The following AADACL4 variants were observed in gnomAD, a reference collection of about 807,000 sequenced individuals.
AADACL4 encodes the protein arylacetamide deacetylase-like 4.
A neutral mutation model predicts 14.1 loss-of-function variants in AADACL4; 9 were observed. The observed-to-expected ratio is 0.64, with a 90% CI of 0.39 to 1.12. The LOEUF (loss-of-function observed/expected upper bound fraction) is 1.12. Among genes scored for constraint, AADACL4 ranks in the 50% most tolerant of loss-of-function variants. AADACL4 has a pLI of 0.01. For missense variants in AADACL4, 531 were observed against 516.1 expected (o/e 1.03, Z -0.28); for synonymous variants, 188 against 201.6 (o/e 0.93, Z 0.57).
At chr1:12,648,106 G>C (rs967011241) in intron 1 of AADACL4, among the ~76,000 whole-genome samples, 5 of 152,080 alleles carry the variant, frequency 3.3e-5, no homozygotes, top group African/African-American at 1.2e-4. Context: ...GAGTAGCTGG[G>C]ACTACAGGTG....
At chr1:12,648,390 T>TTCC (rs759905931) in intron 1 of AADACL4, among the ~76,000 whole-genome samples, 6 of 145,440 alleles carry the variant, frequency 4.1e-5, no homozygotes, top group African/African-American at 1.4e-4. Flanking sequence ...CCTTCCTTCC[T>TTCC]TTCTTTCCTT....
chr1:12,645,495 G>T (rs917064248), intron 1 of AADACL4, among the ~76,000 whole-genome samples: 1 of 152,002 alleles, frequency 6.6e-6, no homozygotes, highest in African/African-American at 2.4e-5. Context: ...TCCTTCAGCC[G>T]CGCACACTTT....
At chr1:12,653,097 G>T (rs1647159377) in intron 2 of AADACL4, among the ~76,000 whole-genome samples, 1 of 152,098 alleles carries the variant, frequency 6.6e-6, no homozygotes, top group Non-Finnish European at 1.5e-5. Context: ...CTGATTAGGG[G>T]TCTTGGCCCC....
intron 1 of AADACL4, among the ~76,000 whole-genome samples, chr1:12,645,903 T>A (rs1256680758): frequency 6.6e-6 from 1 of 152,196 alleles, no homozygotes; most frequent in Non-Finnish European, 1.5e-5. Context: ...CAGAGCCTGG[T>A]ATCTGGTAGG....
Position 12,666,296 on chromosome 1 carries a change from CCTGGCGTGACGCCAT to C in AADACL4, c.788_802del (p.Trp263_Ile267del), listed in dbSNP as rs1557553998. 1 of 1,614,238 alleles carries C rather than the reference CCTGGCGTGACGCCAT, an allele frequency of 6.2e-7. No individual in the cohort carries two copies. Among genetic ancestry groups the C allele is most frequent in the South Asian group, 1.1e-5 (1 of 91,092 alleles). ...TGTAACTATCTGGCCATTGACCTCT[CCTGGCGTGACGCCAT>C]CTTGAACGGCACTTGTGTACCCCCA... On this transcript the variant is annotated inframe_deletion, in exon 4 of 4. Coordinates refer to ENST00000376221, the MANE Select transcript of AADACL4 (RefSeq NM_001013630.2).
chr1:12,653,957 C>T (rs978982647), intron 2 of AADACL4, among the ~76,000 whole-genome samples: 21 of 152,282 alleles, frequency 1.4e-4, no homozygotes, highest in Admixed American at 1.3e-3. Flanking sequence ...AGCTCTAGCT[C>T]CCTTAATTCT....
chr1:12,646,012 G>A (rs1647109167), intron 1 of AADACL4, among the ~76,000 whole-genome samples: 1 of 152,194 alleles, frequency 6.6e-6, no homozygotes, highest in South Asian at 2.1e-4. Context: ...GTTTGGGGTG[G>A]ACCAGCATGC....
At chr1:12,657,628 A>G (rs1647187143) in intron 2 of AADACL4, among the ~76,000 whole-genome samples, 1 of 152,170 alleles carries the variant, frequency 6.6e-6, no homozygotes. Context: ...TGCGAGGAGG[A>G]TTGGGGCTGC....
intron 2 of AADACL4, among the ~76,000 whole-genome samples, chr1:12,652,709 G>A (rs923025452): frequency 6.6e-5 from 10 of 152,128 alleles, no homozygotes; most frequent in South Asian, 4.2e-4. Context: ...ATGTTTTCTC[G>A]GAACTGTGGT....
At chr1:12,647,211 A>G (rs1188475291) in intron 1 of AADACL4, among the ~76,000 whole-genome samples, 1 of 150,544 alleles carries the variant, frequency 6.6e-6, no homozygotes, top group Non-Finnish European at 1.5e-5. Context: ...CTCCCACCTC[A>G]GCCTCCCATG....
chr1:12,658,764 G>A (rs1160450451), intron 2 of AADACL4, among the ~76,000 whole-genome samples: 4 of 143,750 alleles, frequency 2.8e-5, no homozygotes, highest in African/African-American at 1.1e-4. Flanking sequence ...CACCCCCAGC[G>A]CTGATGCTGC....
chr1:12,658,037 C>CTTTCT (rs762073444), intron 2 of AADACL4, among the ~76,000 whole-genome samples: 11 of 120,276 alleles, frequency 9.1e-5, no homozygotes, highest in African/African-American at 6.5e-4. Context: ...TCTTTCTTTC[C>CTTTCT]TTCCTTCCTT....
At chr1:12,657,597 G>A (rs1182748434) in intron 2 of AADACL4, among the ~76,000 whole-genome samples, 1 of 152,182 alleles carries the variant, frequency 6.6e-6, no homozygotes, top group Non-Finnish European at 1.5e-5. Flanking sequence ...AAAGAGTGCA[G>A]GCAGACTCAA....
chr1:12,664,822 T>G (rs1647286102), intron 3 of AADACL4, among the ~76,000 whole-genome samples: 1 of 152,236 alleles, frequency 6.6e-6, no homozygotes, highest in African/African-American at 2.4e-5. Context: ...TAATCTCAAT[T>G]TATGCATTAA....
At chr1:12,647,500 A>G (rs577814922) in intron 1 of AADACL4, among the ~76,000 whole-genome samples, 2 of 152,326 alleles carry the variant, frequency 1.3e-5, no homozygotes, top group East Asian at 1.9e-4. Context: ...ATAAAAGTCA[A>G]TTATTCATAG....
intron 2 of AADACL4, among the ~76,000 whole-genome samples, chr1:12,659,028 G>A (rs1043073628): frequency 6.6e-6 from 1 of 152,238 alleles, no homozygotes; most frequent in Non-Finnish European, 1.5e-5. Flanking sequence ...TGGATGAAAG[G>A]ATGAGCTTGC....
chr1:12,648,779 T>A (rs149587510), intron 1 of AADACL4, among the ~76,000 whole-genome samples: 1 of 152,230 alleles, frequency 6.6e-6, no homozygotes, highest in East Asian at 1.9e-4. Context: ...TCTGCCTCTG[T>A]CCTAAGTTAC....
chr1:12,644,799 C>T (rs902204124), intron 1 of AADACL4, 85 bp downstream of exon 1: 2 of 1,408,616 alleles, frequency 1.4e-6, no homozygotes, highest in Admixed American at 1.9e-5. Context: ...TCTTTCACTT[C>T]CCTTCTGTCT....
intron 2 of AADACL4, 75 bp downstream of exon 2, chr1:12,651,414 G>C: frequency 2.0e-6 from 3 of 1,465,008 alleles, no homozygotes; most frequent in Non-Finnish European, 9.4e-7. Context: ...CCTCCCGCAA[G>C]AACCCTTCTA....
Sources: gnomAD v4.1 joint callset for allele counts (sites outside exome capture counted in the v4.1 genomes callset) on GRCh38, gnomAD v4.1.1 for gene constraint, MANE v1.5 for transcripts, NCBI Gene and HGNC (gene_info 2026-07-23, HGNC 2026-07-21) for gene names.